The following CELF2 variants were observed in gnomAD, a reference collection of about 807,000 sequenced individuals.
The protein encoded by CELF2 is CUG triplet repeat RNA-binding protein 2.
Under a neutral mutation model 62.6 loss-of-function variants are expected in CELF2, and 8 were observed. The ratio of observed to expected loss-of-function variants is 0.13; its 90% CI spans 0.07 to 0.23. The LOEUF is 0.23. Among genes scored for constraint, CELF2 ranks in the 10% least tolerant of loss-of-function variants. The pLI is 1.00. For missense variants in CELF2, 333 were observed against 671.0 expected (o/e 0.50, Z 5.56); for synonymous variants, 258 against 250.0 (o/e 1.03, Z -0.30).
At chr10:10,524,136 C>A in the CELF2 span, among the ~76,000 whole-genome samples, 1 of 151,608 alleles carries the variant, frequency 6.6e-6, no homozygotes, top group Non-Finnish European at 1.5e-5. Flanking sequence ...ACAGGTGGTA[C>A]CTAAAATAAT....
At chr10:10,868,768 T>C (rs1431194828) in intron 1 of CELF2, among the ~76,000 whole-genome samples, 2 of 152,254 alleles carry the variant, frequency 1.3e-5, no homozygotes, top group African/African-American at 2.4e-5. Flanking sequence ...TCAATGGATG[T>C]ATCATTTGTG....
chr10:10,830,357 G>A (rs776181811), intron 1 of CELF2, among the ~76,000 whole-genome samples: 4 of 150,220 alleles, frequency 2.7e-5, no homozygotes, highest in Non-Finnish European at 5.9e-5. Flanking sequence ...ATAGCAGACT[G>A]TTAGAATCTG....
intron 3 of CELF2, among the ~76,000 whole-genome samples, chr10:11,235,327 A>G (rs781741225): frequency 5.3e-5 from 8 of 152,150 alleles, no homozygotes; most frequent in Non-Finnish European, 1.0e-4. Context: ...TCTCTCCCAC[A>G]TGCTTGTCTC....
chr10:10,720,879 G>A, the CELF2 span, among the ~76,000 whole-genome samples: 2 of 152,140 alleles, frequency 1.3e-5, no homozygotes, highest in Non-Finnish European at 2.9e-5. Context: ...GCACAATAAA[G>A]TAAGCAGAAA....
At position 11,056,593 on chromosome 10, in the gene CELF2, A is replaced by G. The variant is rs146945313; in HGVS notation, c.74+38430A>G. Among the ~76,000 whole-genome samples, 120 of 152,352 alleles carry G rather than the reference A, an allele frequency of 7.9e-4. 2 individuals carry two copies. Among genetic ancestry groups the G allele is most frequent in the Non-Finnish European group, 1.5e-3 (103 of 68,036 alleles). Reference sequence around the variant, plus strand: ...CAGAAAGGGAAGGTATTTGAATCGTATAAGAAGGGAGTCAAGGATTATAAA... The same window carrying G: ...CAGAAAGGGAAGGTATTTGAATCGTGTAAGAAGGGAGTCAAGGATTATAAA... On this transcript the variant is annotated intron_variant, in intron 1 of 12. Transcript: ENST00000633077.
At chr10:11,327,829 T>C (rs1388587739) in intron 12 of CELF2, among the ~76,000 whole-genome samples, 1 of 152,240 alleles carries the variant, frequency 6.6e-6, no homozygotes, top group Non-Finnish European at 1.5e-5. Flanking sequence ...TGTCCTCTTC[T>C]TCCTCCTCTA....
intron 1 of CELF2, among the ~76,000 whole-genome samples, chr10:11,054,489 T>TGTGTG (rs1554804023): frequency 8.7e-5 from 13 of 149,576 alleles, no homozygotes; most frequent in East Asian, 2.0e-4. Flanking sequence ...GTATGTGTGT[T>TGTGTG]TGTGTGTGTG....
chr10:10,583,520 C>T, the CELF2 span, among the ~76,000 whole-genome samples: 4 of 152,158 alleles, frequency 2.6e-5, no homozygotes, highest in Non-Finnish European at 5.9e-5. Flanking sequence ...TAGGGTTAGC[C>T]TGAAGTTGCT....
the CELF2 span, among the ~76,000 whole-genome samples, chr10:10,783,258 C>T: frequency 1.3e-5 from 2 of 152,148 alleles, no homozygotes; most frequent in Non-Finnish European, 2.9e-5. Flanking sequence ...AAGTTGAGGT[C>T]ATTAGGGAGA....
At position 11,334,330 on chromosome 10, in the gene CELF2, G is replaced by C. The variant is rs1175082149; in HGVS notation, c.*5277G>C. The C allele has an allele frequency of 6.6e-6, 1 of 152,548 alleles. No individual in the cohort carries two copies. The highest frequency in any genetic ancestry group is 2.4e-5 in the African/African-American group (1 of 41,412). 9.4% of individuals were successfully genotyped at this position (152,548 alleles called of 1,614,324 possible). A position where few individuals can be genotyped will look rare whatever the true frequency, so the allele number is the denominator to read the frequency against. On this transcript the variant is annotated 3_prime_UTR_variant, in exon 13 of 13. Transcript: ENST00000633077. ...TTGTGTGATGCAGTTTTTTGCTTCTGTCTCCAATATTAAACCATTTTCCTA... is the reference window on the plus strand; with the variant it reads ...TTGTGTGATGCAGTTTTTTGCTTCTCTCTCCAATATTAAACCATTTTCCTA...
rs1001366490 is a variant in CELF2, at chr10:11,315,076, G to A, written c.1096+818G>A. Among the ~76,000 whole-genome samples the A allele has an allele frequency of 3.3e-5, 5 of 152,196 alleles. No homozygotes were observed. Among genetic ancestry groups the A allele is most frequent in the Admixed American group, 6.5e-5 (1 of 15,284 alleles). Reference sequence around the variant, plus strand: ...CTCCTGTCATTCTCGGTTGATGGGGGAGCAGTGTGCCGGCCAGAGGATAAG... The same window carrying A: ...CTCCTGTCATTCTCGGTTGATGGGGAAGCAGTGTGCCGGCCAGAGGATAAG... On this transcript the variant is annotated intron_variant, in intron 10 of 12. Transcript: ENST00000633077. This position sits in a 1 kb window ranked among gnomAD's most constrained non-coding sequence, Gnocchi z 5.8.
the CELF2 span, among the ~76,000 whole-genome samples, chr10:10,491,399 A>T: frequency 2.6e-5 from 4 of 152,156 alleles, no homozygotes; most frequent in Non-Finnish European, 5.9e-5. Flanking sequence ...ATAGTTTTGA[A>T]TTCATTTGGT....
chr10:10,537,484 C>A, the CELF2 span, among the ~76,000 whole-genome samples: 1,140 of 152,210 alleles, frequency 7.5e-3, 6 homozygotes, highest in African/African-American at 0.026. Flanking sequence ...TACCATAGGT[C>A]CATCTATTTA....
chr10:11,247,450 C>A lies in CELF2; in HGVS notation c.355-1703C>A, dbSNP rs756091710. Reference sequence around the variant, plus strand: ...CGGCCCAGATGCAGCCTTGGCTTTCCTCGCCAGGCAGGATTAAGTCCCACA... The same window carrying A: ...CGGCCCAGATGCAGCCTTGGCTTTCATCGCCAGGCAGGATTAAGTCCCACA... On this transcript the variant is annotated intron_variant, in intron 3 of 12. Transcript: ENST00000633077. This position sits in a 1 kb window ranked among gnomAD's most constrained non-coding sequence, Gnocchi z 5.4. Among the ~76,000 whole-genome samples, 30 of 152,224 alleles carry A rather than the reference C, an allele frequency of 2.0e-4. No individual in the cohort carries two copies. Among genetic ancestry groups the A allele is most frequent in the Non-Finnish European group, 4.1e-4 (28 of 68,040 alleles).
chr10:10,748,949 G>T, the CELF2 span, among the ~76,000 whole-genome samples: 2 of 152,124 alleles, frequency 1.3e-5, no homozygotes, highest in South Asian at 4.2e-4. Context: ...TGAGTGAGAT[G>T]AGAATGTCAA....
chr10:11,127,388 T>C (rs745424854), intron 1 of CELF2, among the ~76,000 whole-genome samples: 19 of 152,246 alleles, frequency 1.2e-4, no homozygotes, highest in Non-Finnish European at 1.9e-4. Flanking sequence ...GCATGATTTA[T>C]AATCCTTTGG....
At chr10:10,680,784 GA>G in the CELF2 span, among the ~76,000 whole-genome samples, 1 of 152,268 alleles carries the variant, frequency 6.6e-6, no homozygotes, top group South Asian at 2.1e-4. Context: ...TTCCCAGGGC[GA>G]AGGGAAAAGG....
chr10:11,274,722 C>T lies in CELF2; in HGVS notation c.778-335C>T, dbSNP rs114908865. 9.3e-3 allele frequency among the ~76,000 whole-genome samples: 1,409 copies of T among 152,290 alleles called. 14 individuals carry two copies. Among genetic ancestry groups the T allele is most frequent in the Middle Eastern group, 0.017 (5 of 294 alleles). On this transcript the variant is annotated intron_variant, in intron 7 of 12. Transcript: ENST00000633077. ...GAGGGAGGGAATGGACCCTGATTGA[C>T]AGAGATGAGTTACGGTAACTGCTAG...
At chr10:10,551,718 G>A in the CELF2 span, among the ~76,000 whole-genome samples, 1 of 152,040 alleles carries the variant, frequency 6.6e-6, no homozygotes, top group African/African-American at 2.4e-5. Flanking sequence ...AGGGCTCCCC[G>A]ACAACTGTAT....
Sources: allele counts gnomAD v4.1 joint callset (sites outside exome capture counted in the v4.1 genomes callset), GRCh38; gene constraint gnomAD v4.1.1; non-coding constraint Gnocchi (gnomAD v3.1); transcripts MANE v1.5; gene names NCBI Gene and HGNC (gene_info 2026-07-23, HGNC 2026-07-21).